Variants in LARGE1 observed in about 807,000 individuals in gnomAD.
LARGE1 encodes LARGE xylosyl- and glucuronyltransferase 1.
LARGE1 carries 43 observed loss-of-function variants against 87.6 expected under a neutral mutation model. The observed-to-expected ratio is 0.49, with a 90% confidence interval of 0.38 to 0.63. The LOEUF is 0.63. Among genes scored for constraint, LARGE1 ranks in the 30% least tolerant of loss-of-function variants. The pLI, the probability that LARGE1 is intolerant of heterozygous loss-of-function variation, is 0.00. For missense variants in LARGE1, 802 were observed against 1,000.2 expected (o/e 0.80, Z 2.67); for synonymous variants, 434 against 394.6 (o/e 1.10, Z -1.18).
At chr22:33,800,158 G>A (rs1400918084) in intron 1 of LARGE1, among the ~76,000 whole-genome samples, 1 of 152,124 alleles carries the variant, frequency 6.6e-6, no homozygotes, top group Non-Finnish European at 1.5e-5. Context: ...TGCAGGCAAG[G>A]ATTATATCAA....
chr22:33,593,121 G>A (rs1489235318), intron 5 of LARGE1, among the ~76,000 whole-genome samples: 3 of 152,162 alleles, frequency 2.0e-5, no homozygotes, highest in Non-Finnish European at 4.4e-5. Flanking sequence ...TTACAGGCGT[G>A]AGCCACAGCG....
At chr22:33,612,469 G>A (rs1265905065) in intron 4 of LARGE1, among the ~76,000 whole-genome samples, 3 of 152,154 alleles carry the variant, frequency 2.0e-5, no homozygotes, top group Non-Finnish European at 2.9e-5. Flanking sequence ...CTAACTACAG[G>A]ACTTGAATAT....
intron 2 of LARGE1, among the ~76,000 whole-genome samples, chr22:33,654,799 T>G (rs970950682): frequency 6.6e-6 from 1 of 152,228 alleles, no homozygotes; most frequent in Non-Finnish European, 1.5e-5. Context: ...CTACCAGTGG[T>G]GAAGACAGCA....
chr22:33,114,423 C>T, the LARGE1 span, among the ~76,000 whole-genome samples: 5 of 152,308 alleles, frequency 3.3e-5, no homozygotes, highest in African/African-American at 9.6e-5. Flanking sequence ...GGAGCTCACA[C>T]CTGTGAAACA....
chr22:33,814,695 C>T (rs1369111079), intron 1 of LARGE1, among the ~76,000 whole-genome samples: 1 of 150,622 alleles, frequency 6.6e-6, no homozygotes, highest in Non-Finnish European at 1.5e-5. Flanking sequence ...CCTACGATCA[C>T]ATAAGCTAAT....
chr22:33,164,829 T>TA (rs112043234), exon 12 of LARGE1: 3,487 of 146,438 alleles, frequency 0.024, 52 homozygotes, highest in Admixed American at 0.058. Context: ...AGACAAGAAT[T>TA]AAAAAAAAAA....
intron 1 of LARGE1, among the ~76,000 whole-genome samples, chr22:33,781,344 T>C (rs2145896848): frequency 6.6e-6 from 1 of 152,052 alleles, no homozygotes; most frequent in Non-Finnish European, 1.5e-5. Context: ...CTACTAAAAA[T>C]ACAAAAATTA....
intron 11 of LARGE1, among the ~76,000 whole-genome samples, chr22:33,179,739 C>T (rs895694992): frequency 1.8e-4 from 27 of 152,134 alleles, no homozygotes; most frequent in Non-Finnish European, 3.4e-4. Context: ...CTAGCAACTG[C>T]CAGCAGACTC....
intron 1 of LARGE1, among the ~76,000 whole-genome samples, chr22:33,763,897 T>C (rs2084816368): frequency 7.8e-6 from 1 of 127,802 alleles, no homozygotes; most frequent in African/African-American, 3.0e-5. Flanking sequence ...GTCACCAGGC[T>C]AGAGTATAGT....
downstream of LARGE1, among the ~76,000 whole-genome samples, chr22:33,268,482 G>T (rs1156835715): frequency 6.8e-6 from 1 of 146,462 alleles, no homozygotes; most frequent in Admixed American, 6.9e-5. Context: ...AGGCTGGAGT[G>T]CATGGCGCGA....
chr22:33,907,653 C>T (rs1462183645), intron 1 of LARGE1, among the ~76,000 whole-genome samples: 2 of 152,062 alleles, frequency 1.3e-5, no homozygotes, highest in Admixed American at 6.5e-5. Context: ...CTGCAACCTC[C>T]GCCTCCCGGG....
the LARGE1 span, among the ~76,000 whole-genome samples, chr22:33,104,793 G>A: frequency 6.6e-6 from 1 of 152,098 alleles, no homozygotes; most frequent in Non-Finnish European, 1.5e-5. Flanking sequence ...CCCAGCCCAA[G>A]GCTCCTTCCC....
intron 7 of LARGE1, among the ~76,000 whole-genome samples, chr22:33,420,016 G>C (rs1458460651): frequency 6.6e-6 from 1 of 151,974 alleles, no homozygotes; most frequent in Non-Finnish European, 1.5e-5. Flanking sequence ...TGTTATGGGG[G>C]GACTGTCTGG....
rs75954917 is a variant in LARGE1, at chr22:33,496,789, C to T, written c.788-64524G>A. Among the ~76,000 whole-genome samples, 543 of 152,350 alleles carry T rather than the reference C, an allele frequency of 3.6e-3. 5 individuals carry two copies. The highest frequency in any genetic ancestry group is 0.023 in the South Asian group (111 of 4,828). ...TCATTCCACCTCTTTTATCCCACTT[C>T]TGCACTTAAAAACTCCTAATTTTTC... On this transcript the variant is annotated intron_variant, in intron 6 of 14. Transcript: ENST00000397394.
intron 10 of LARGE1, among the ~76,000 whole-genome samples, chr22:33,319,478 C>G (rs1424249818): frequency 6.6e-6 from 1 of 152,162 alleles, no homozygotes; most frequent in Non-Finnish European, 1.5e-5. Flanking sequence ...TCACTGCAAC[C>G]TCTGCCTCCC....
intron 11 of LARGE1, among the ~76,000 whole-genome samples, chr22:33,315,284 A>C (rs1282154612): frequency 2.0e-5 from 3 of 152,222 alleles, no homozygotes; most frequent in Non-Finnish European, 4.4e-5. Flanking sequence ...TGAACGTGTT[A>C]TACAACTCCC....
chr22:33,735,911 G>A (rs116162977), intron 2 of LARGE1, among the ~76,000 whole-genome samples: 1,809 of 152,248 alleles, frequency 0.012, 33 homozygotes, highest in African/African-American at 0.042. Context: ...TTTGGTATCT[G>A]GCTTCTTCCA....
intron 2 of LARGE1, among the ~76,000 whole-genome samples, chr22:33,758,089 A>AG (rs2084586608): frequency 6.6e-6 from 1 of 152,188 alleles, no homozygotes; most frequent in Non-Finnish European, 1.5e-5. Flanking sequence ...AGCTCTGGTC[A>AG]GCATGATCCT....
intron 1 of LARGE1, among the ~76,000 whole-genome samples, chr22:33,888,604 C>A (rs2064922276): frequency 6.6e-6 from 1 of 152,166 alleles, no homozygotes; most frequent in Non-Finnish European, 1.5e-5. Context: ...CGCTGTAATC[C>A]CAGCACTTTG....
Sources: gnomAD v4.1 joint callset for allele counts (sites outside exome capture counted in the v4.1 genomes callset) on GRCh38, gnomAD v4.1.1 for gene constraint, MANE v1.5 for transcripts, NCBI Gene and HGNC (gene_info 2026-07-23, HGNC 2026-07-21) for gene names.